CSMD1: variants seen among roughly 807,000 people sequenced by gnomAD.
The protein encoded by CSMD1 is CUB and sushi domain-containing protein 1.
In CSMD1, 213 loss-of-function variants were observed where a neutral mutation model predicts 417.5. The ratio of observed to expected loss-of-function variants is 0.51; its 90% CI spans 0.46 to 0.57. CSMD1 has a LOEUF of 0.57. Ranked by LOEUF, CSMD1 falls within the 20% of genes least tolerant of loss-of-function variation. The pLI, the probability that CSMD1 is intolerant of heterozygous loss-of-function variation, is 0.00. For missense variants in CSMD1, 6,923 were observed against 4,529.7 expected, an observed-to-expected ratio of 1.53 and a Z score of -15.17; for synonymous variants, 2,862 against 1,736.8, an observed-to-expected ratio of 1.65 and a Z score of -16.11.
At chr8:4,421,222 G>C (rs752613732) in intron 2 of CSMD1, among the ~76,000 whole-genome samples, 2 of 152,108 alleles carry the variant, frequency 1.3e-5, no homozygotes, top group East Asian at 3.9e-4. Context: ...AGTCAGTGAA[G>C]CAAACGTTGC....
intron 1 of CSMD1, among the ~76,000 whole-genome samples, chr8:4,767,997 C>T (rs1474421031): frequency 6.6e-6 from 1 of 152,086 alleles, no homozygotes; most frequent in African/African-American, 2.4e-5. Flanking sequence ...GCATGGTGGG[C>T]ATTCAATTCA....
intron 7 of CSMD1, among the ~76,000 whole-genome samples, chr8:3,682,345 GA>G (rs1230393104): frequency 2.0e-5 from 3 of 151,934 alleles, no homozygotes; most frequent in African/African-American, 7.3e-5. Context: ...AAATTTACAA[GA>G]AAAAAACAAG....
In CSMD1 at chr8:4,360,039, G is replaced by C. The variant is rs930060922; in HGVS notation, c.415+59914C>G. On this transcript the variant is annotated intron_variant, in intron 3 of 69. Transcript: ENST00000635120. The stretch of plus-strand genomic sequence containing the variant: ...CCAGCTCTCTTCCCTGTCCCCATCT[G>C]AGCATACAGTTCCTCTCGTCTCTGA... 7.2e-5 allele frequency among the ~76,000 whole-genome samples: 11 copies of C among 152,232 alleles called. No homozygotes were observed. The East Asian group carries it at 1.2e-3, about 16-fold the overall frequency.
intron 5 of CSMD1, among the ~76,000 whole-genome samples, chr8:3,787,656 A>G (rs1428148910): frequency 6.6e-6 from 1 of 152,212 alleles, no homozygotes; most frequent in African/African-American, 2.4e-5. Context: ...GCAGCTTGGT[A>G]ATATAATTTA....
chr8:3,503,666 G>C (rs1023084974), intron 10 of CSMD1, among the ~76,000 whole-genome samples: 4 of 152,184 alleles, frequency 2.6e-5, no homozygotes, highest in African/African-American at 7.2e-5. Context: ...GAGAGAATTA[G>C]TCTCAGCTCA....
intron 2 of CSMD1, among the ~76,000 whole-genome samples, chr8:4,498,943 T>C (rs570840933): frequency 6.6e-6 from 1 of 152,240 alleles, no homozygotes; most frequent in Admixed American, 6.5e-5. Flanking sequence ...ACATGGCCAG[T>C]GGTTCTATAC....
chr8:3,687,222 G>C (rs1049209762), intron 7 of CSMD1, among the ~76,000 whole-genome samples: 7 of 152,206 alleles, frequency 4.6e-5, no homozygotes, highest in African/African-American at 1.7e-4. Flanking sequence ...CCCAGGGCAG[G>C]TCCACATTCA....
chr8:4,876,180 A>T (rs1337366489), intron 1 of CSMD1, among the ~76,000 whole-genome samples: 3 of 152,120 alleles, frequency 2.0e-5, no homozygotes, highest in African/African-American at 7.2e-5. Context: ...CTGGGTAATA[A>T]CATAAATTTA....
At chr8:3,608,414 C>G (rs1180456985) in intron 8 of CSMD1, among the ~76,000 whole-genome samples, 1 of 152,166 alleles carries the variant, frequency 6.6e-6, no homozygotes, top group African/African-American at 2.4e-5. Context: ...TCCCTAAGTT[C>G]AGTTTCAGCA....
chr8:3,582,712 A>C (rs557457053), intron 9 of CSMD1, among the ~76,000 whole-genome samples: 1 of 152,356 alleles, frequency 6.6e-6, no homozygotes, highest in East Asian at 1.9e-4. Flanking sequence ...GAAAATATAT[A>C]AAATATCTCA....
intron 3 of CSMD1, among the ~76,000 whole-genome samples, chr8:4,302,552 C>G (rs995667550): frequency 6.6e-6 from 1 of 152,108 alleles, no homozygotes; most frequent in African/African-American, 2.4e-5. Context: ...TCTTGAAAGT[C>G]AGGTTTCCGC....
intron 7 of CSMD1, among the ~76,000 whole-genome samples, chr8:3,675,605 A>C (rs1799331711): frequency 6.6e-6 from 1 of 152,104 alleles, no homozygotes; most frequent in Non-Finnish European, 1.5e-5. Flanking sequence ...CCATGATGAG[A>C]TTAGCACCCT....
At chr8:4,688,844 G>T (rs541076737) in intron 1 of CSMD1, among the ~76,000 whole-genome samples, 55 of 152,318 alleles carry the variant, frequency 3.6e-4, no homozygotes, top group Admixed American at 1.8e-3. Flanking sequence ...GATGCCTGTT[G>T]TAGACAGGGG....
chr8:4,531,660 C>T (rs2130460204), intron 2 of CSMD1, among the ~76,000 whole-genome samples: 1 of 152,186 alleles, frequency 6.6e-6, no homozygotes, highest in South Asian at 2.1e-4. Flanking sequence ...GCTCTGTGTG[C>T]TTATCTAGTT....
chr8:4,209,315 A>G (rs1390885930), intron 3 of CSMD1, among the ~76,000 whole-genome samples: 1 of 152,150 alleles, frequency 6.6e-6, no homozygotes, highest in Admixed American at 6.5e-5. Flanking sequence ...CCCATCTATG[A>G]GACATCTTCC....
chr8:3,006,863 G>A (rs1284188066), intron 52 of CSMD1, among the ~76,000 whole-genome samples: 1 of 143,476 alleles, frequency 7.0e-6, no homozygotes, highest in Non-Finnish European at 1.5e-5. Context: ...ATAGGCATGG[G>A]CAAAGACTTC....
intron 10 of CSMD1, among the ~76,000 whole-genome samples, chr8:3,518,761 T>G (rs1400918474): frequency 6.6e-6 from 1 of 152,156 alleles, no homozygotes; most frequent in South Asian, 2.1e-4. Flanking sequence ...GTTCATTACA[T>G]GCTCTGTTTG....
chr8:4,054,566 A>G (rs1798595421), intron 3 of CSMD1, among the ~76,000 whole-genome samples: 1 of 151,132 alleles, frequency 6.6e-6, no homozygotes, highest in Non-Finnish European at 1.5e-5. Flanking sequence ...TGCGGAGTTC[A>G]ACCCTCTTGG....
chr8:3,158,182 T>C (rs1206504306), intron 38 of CSMD1, among the ~76,000 whole-genome samples: 1 of 152,192 alleles, frequency 6.6e-6, no homozygotes, highest in Non-Finnish European at 1.5e-5. Flanking sequence ...TTCTTTCTAC[T>C]AAAAACAAAA....
Sources: allele counts gnomAD v4.1 joint callset (sites outside exome capture counted in the v4.1 genomes callset), GRCh38; gene constraint gnomAD v4.1.1; transcripts MANE v1.5; gene names NCBI Gene and HGNC (gene_info 2026-07-23, HGNC 2026-07-21).